The following KCNIP4 variants were observed in gnomAD, a reference collection of about 807,000 sequenced individuals.
The protein encoded by KCNIP4 is Kv channel-interacting protein 4.
KCNIP4 carries 12 observed loss-of-function variants against 34.0 expected under a neutral mutation model. The observed-to-expected ratio is 0.35, with a 90% CI of 0.23 to 0.57. KCNIP4 has a LOEUF of 0.57. KCNIP4 is among the 20% of genes least tolerant of loss of function. The pLI is 0.83. For synonymous variants in KCNIP4, 124 were observed against 102.2 expected (o/e 1.21, Z -1.29); for missense variants, 238 against 311.7 (o/e 0.76, Z 1.78).
chr4:21,531,132 G>C (rs1053255339), intron 1 of KCNIP4, among the ~76,000 whole-genome samples: 1 of 152,170 alleles, frequency 6.6e-6, no homozygotes, highest in African/African-American at 2.4e-5. Flanking sequence ...TTTTTAGGGA[G>C]TCAGGAGCAC....
intron 1 of KCNIP4, among the ~76,000 whole-genome samples, chr4:21,187,216 C>T (rs961041450): frequency 9.2e-5 from 14 of 152,108 alleles, no homozygotes; most frequent in African/African-American, 3.4e-4. Flanking sequence ...AATCTCAAAA[C>T]CATGCCATGG....
At chr4:21,411,154 G>A (rs768321481) in intron 1 of KCNIP4, among the ~76,000 whole-genome samples, 15 of 152,154 alleles carry the variant, frequency 9.9e-5, no homozygotes, top group Non-Finnish European at 1.9e-4. Context: ...AGAGAGGTTC[G>A]ATTTTAGACA....
chr4:20,907,954 C>T (rs181609446), intron 1 of KCNIP4, among the ~76,000 whole-genome samples: 175 of 152,188 alleles, frequency 1.1e-3, no homozygotes, highest in African/African-American at 3.9e-3. Flanking sequence ...TTAATCATAA[C>T]AACCTATTCT....
chr4:20,810,940 A>G (rs1715674275), intron 3 of KCNIP4, among the ~76,000 whole-genome samples: 1 of 152,156 alleles, frequency 6.6e-6, no homozygotes, highest in Admixed American at 6.5e-5. Flanking sequence ...GCGTACTGGG[A>G]CAGAGGCATT....
chr4:21,109,307 A>T (rs1420450617), intron 1 of KCNIP4, among the ~76,000 whole-genome samples: 1 of 142,726 alleles, frequency 7.0e-6, no homozygotes, highest in Non-Finnish European at 1.6e-5. Context: ...AGGCAATGGC[A>T]GGCGCCCCTC....
At chr4:20,857,146 G>T (rs1560519071) in intron 2 of KCNIP4, among the ~76,000 whole-genome samples, 1 of 151,834 alleles carries the variant, frequency 6.6e-6, no homozygotes, top group Non-Finnish European at 1.5e-5. Context: ...CTGCCAAAGG[G>T]CTGTTTCTAT....
chr4:21,048,184 C>T (rs1742600680), intron 1 of KCNIP4, among the ~76,000 whole-genome samples: 1 of 152,152 alleles, frequency 6.6e-6, no homozygotes, highest in South Asian at 2.1e-4. Flanking sequence ...ATAAACAAAC[C>T]TCAAACCTCA....
chr4:21,731,850 T>A (rs1267122508), intron 1 of KCNIP4, among the ~76,000 whole-genome samples: 1 of 152,030 alleles, frequency 6.6e-6, no homozygotes, highest in Non-Finnish European at 1.5e-5. Context: ...ACCAGACAAC[T>A]TGGCTAAATA....
chr4:21,356,171 C>G (rs1461832106), intron 1 of KCNIP4, among the ~76,000 whole-genome samples: 5 of 152,126 alleles, frequency 3.3e-5, no homozygotes, highest in Admixed American at 2.6e-4. Context: ...GAACATATCT[C>G]AAAATATTAA....
At position 21,112,266 on chromosome 4, in the gene KCNIP4, C is replaced by G. The variant is rs560294161; in HGVS notation, c.62-229557G>C. Among the ~76,000 whole-genome samples the G allele has an allele frequency of 2.0e-5, 3 of 152,274 alleles. No individual in the cohort carries two copies. The South Asian group carries it at 6.2e-4, about 32-fold the overall frequency. On this transcript the variant is annotated intron_variant, in intron 1 of 8. Coordinates refer to ENST00000382152, the MANE Select transcript of KCNIP4 (RefSeq NM_025221.6). ...TTAAGGATCTATCTTCAGGATCTAT[C>G]TAGCTCTAACCATTTCTGAAATTTC...
At chr4:21,839,248 G>C (rs374275835) in intron 1 of KCNIP4, among the ~76,000 whole-genome samples, 1 of 152,142 alleles carries the variant, frequency 6.6e-6, no homozygotes, top group Admixed American at 6.5e-5. Context: ...TTAATAAATA[G>C]TATTATATTC....
rs182188542 is a variant in KCNIP4 at position 21,445,755 on chromosome 4, A to T, written c.61+502816T>A. Among the ~76,000 whole-genome samples the T allele has an allele frequency of 2.6e-5, 4 of 152,358 alleles. No individual in the cohort carries two copies. The East Asian group carries it at 7.7e-4, about 29-fold the overall frequency. ...TAAAACACCAAAGCAATGGCAACAA[A>T]AGCCAAAATTGACAAATGGGATCTA... On this transcript the variant is annotated intron_variant, in intron 1 of 8. Coordinates refer to ENST00000382152, the MANE Select transcript of KCNIP4 (RefSeq NM_025221.6).
intron 1 of KCNIP4, among the ~76,000 whole-genome samples, chr4:21,676,800 A>G (rs186942023): frequency 1.3e-5 from 2 of 152,312 alleles, no homozygotes; most frequent in African/African-American, 4.8e-5. Context: ...GCAAATTTAT[A>G]TAACTGGACA....
intron 1 of KCNIP4, among the ~76,000 whole-genome samples, chr4:20,891,066 G>T (rs1725866895): frequency 6.6e-6 from 1 of 152,150 alleles, no homozygotes; most frequent in South Asian, 2.1e-4. Context: ...TCACCATAAT[G>T]AGAACTATTC....
chr4:21,409,052 A>T (rs1047074562), intron 1 of KCNIP4, among the ~76,000 whole-genome samples: 14 of 151,844 alleles, frequency 9.2e-5, no homozygotes, highest in South Asian at 4.2e-4. Context: ...ATTTAAATTT[A>T]AAAAAGGAAC....
intron 1 of KCNIP4, among the ~76,000 whole-genome samples, chr4:21,679,789 CACT>C (rs752876409): frequency 5.3e-5 from 8 of 152,184 alleles, no homozygotes; most frequent in Non-Finnish European, 1.2e-4. Context: ...GTTTTGTTTA[CACT>C]GTACTGTAGT....
chr4:20,936,256 A>T (rs577077029), intron 1 of KCNIP4, among the ~76,000 whole-genome samples: 54 of 152,176 alleles, frequency 3.5e-4, no homozygotes, highest in Non-Finnish European at 6.5e-4. Flanking sequence ...CTATAACAGG[A>T]TTAAAGAACT....
At chr4:21,696,994 T>C (rs1712385295) in intron 1 of KCNIP4, among the ~76,000 whole-genome samples, 1 of 152,116 alleles carries the variant, frequency 6.6e-6, no homozygotes, top group African/African-American at 2.4e-5. Context: ...GAAGAAAATC[T>C]GTGTGCTTTT....
At position 20,752,033 on chromosome 4, in the gene KCNIP4, A is replaced by G. The variant is rs75945068; in HGVS notation, c.359-2301T>C. Among the ~76,000 whole-genome samples the G allele has an allele frequency of 2.8e-3, 427 of 150,354 alleles. 1 individual carries two copies. Among genetic ancestry groups the G allele is most frequent in the African/African-American group, 0.01 (411 of 40,956 alleles). Reference sequence around the variant, plus strand: ...TTTCCTCATCTACAAAATGATAACAATATCAGTATGTACTTCATAGAGTTT... The same window carrying G: ...TTTCCTCATCTACAAAATGATAACAGTATCAGTATGTACTTCATAGAGTTT... On this transcript the variant is annotated intron_variant, in intron 4 of 8. Transcript: ENST00000382152.
Sources: gnomAD v4.1 joint callset for allele counts (sites outside exome capture counted in the v4.1 genomes callset) on GRCh38, gnomAD v4.1.1 for gene constraint, MANE v1.5 for transcripts, NCBI Gene and HGNC (gene_info 2026-07-23, HGNC 2026-07-21) for gene names.